The following KANSL1 variants were observed in gnomAD, a reference collection of about 807,000 sequenced individuals.
KANSL1 encodes MLL1/MLL complex subunit KANSL1.
Under a neutral mutation model 103.6 loss-of-function variants are expected in KANSL1, and 22 were observed. The observed-to-expected ratio is 0.21, with a 90% CI of 0.15 to 0.30. KANSL1 has a LOEUF of 0.30. Among genes scored for constraint, KANSL1 ranks in the 10% least tolerant of loss-of-function variants. The probability of loss-of-function intolerance (pLI) is 1.00; values close to 1 mark genes in which losing one functional copy is unlikely to be tolerated. For missense variants in KANSL1, 1,337 were observed against 1,399.8 expected (o/e 0.96, Z 0.72); for synonymous variants, 600 against 527.6 (o/e 1.14, Z -1.88).
chr17:46,082,582 T>C (rs997539444), intron 3 of KANSL1, 40 bp from the exon 4 acceptor site: 3 of 1,179,806 alleles, frequency 2.5e-6, no homozygotes, highest in Admixed American at 2.0e-5. Flanking sequence ...AAGTGAGCAG[T>C]ATAAACTTCA....
chr17:46,122,762 T>C (rs142620504), intron 2 of KANSL1, among the ~76,000 whole-genome samples: 2 of 152,378 alleles, frequency 1.3e-5, no homozygotes, highest in African/African-American at 4.8e-5. Context: ...TTATCTGTTA[T>C]GATGATCTGT....
At chr17:46,080,586 C>T (rs917426607) in intron 4 of KANSL1, among the ~76,000 whole-genome samples, 50 of 152,184 alleles carry the variant, frequency 3.3e-4, no homozygotes, top group African/African-American at 1.0e-3. Flanking sequence ...AATTGACATA[C>T]GCACAGCTTT....
At chr17:46,150,491 T>G (rs1056717966) in intron 2 of KANSL1, among the ~76,000 whole-genome samples, 1 of 152,260 alleles carries the variant, frequency 6.6e-6, no homozygotes, top group African/African-American at 2.4e-5. Context: ...TTACAAGTCA[T>G]CTCTGTATTT....
intron 1 of KANSL1, among the ~76,000 whole-genome samples, chr17:46,173,103 T>G (rs1447486370): frequency 1.3e-5 from 2 of 152,250 alleles, no homozygotes; most frequent in Non-Finnish European, 2.9e-5. Context: ...CTGACTTCTC[T>G]GAAGCACTGG....
intron 1 of KANSL1, among the ~76,000 whole-genome samples, chr17:46,180,109 T>G (rs1235778279): frequency 2.0e-5 from 3 of 151,760 alleles, no homozygotes; most frequent in African/African-American, 7.3e-5. Context: ...ACAAAGCATA[T>G]TTTAATAGAG....
chr17:46,174,864 G>A (rs553223595), intron 1 of KANSL1, among the ~76,000 whole-genome samples: 2 of 152,284 alleles, frequency 1.3e-5, no homozygotes, highest in African/African-American at 4.8e-5. Flanking sequence ...TGTAGAGATG[G>A]AATTTCATTT....
chr17:46,174,516 A>G (rs1322548294), intron 1 of KANSL1, among the ~76,000 whole-genome samples: 1 of 152,250 alleles, frequency 6.6e-6, no homozygotes, highest in Admixed American at 6.5e-5. Context: ...TTCTGATTTA[A>G]CAGACTTGTG....
At chr17:46,064,125 T>C (rs2078287553) in intron 6 of KANSL1, among the ~76,000 whole-genome samples, 1 of 151,166 alleles carries the variant, frequency 6.6e-6, no homozygotes, top group African/African-American at 2.4e-5. Context: ...AAATACCTTA[T>C]TCTTATCTAT....
intron 1 of KANSL1, among the ~76,000 whole-genome samples, chr17:46,202,362 A>G (rs1169009851): frequency 6.6e-6 from 1 of 152,236 alleles, no homozygotes; most frequent in African/African-American, 2.4e-5. Context: ...ATTTCGGATA[A>G]GGGATATTCA....
chr17:46,186,172 G>A (rs1181869432), intron 1 of KANSL1, among the ~76,000 whole-genome samples: 6 of 150,890 alleles, frequency 4.0e-5, no homozygotes, highest in Non-Finnish European at 8.8e-5. Flanking sequence ...TCAGGAGATC[G>A]AGACCATCCT....
intron 2 of KANSL1, among the ~76,000 whole-genome samples, chr17:46,133,427 T>C (rs917928866): frequency 1.3e-5 from 2 of 151,818 alleles, no homozygotes; most frequent in African/African-American, 4.8e-5. Flanking sequence ...TCACTCCAAC[T>C]AGAAAGGAAA....
chr17:46,071,408 T>A (rs914977583), intron 4 of KANSL1, among the ~76,000 whole-genome samples: 4 of 152,140 alleles, frequency 2.6e-5, no homozygotes, highest in African/African-American at 9.7e-5. Flanking sequence ...CTGCAACCCA[T>A]CATCAATGCA....
intron 1 of KANSL1, among the ~76,000 whole-genome samples, chr17:46,175,635 C>G (rs533303243): frequency 5.9e-4 from 90 of 152,284 alleles, no homozygotes; most frequent in African/African-American, 2.1e-3. Context: ...CAGGTGTGAT[C>G]CACTGTGCCT....
rs201471275 is a variant in KANSL1, at chr17:46,066,743, G to C, written c.1653-11C>G. On this transcript the variant is annotated splice_polypyrimidine_tract_variant and intron_variant, in intron 5 of 14. Transcript: ENST00000432791. ...AAGACAGGCTGAAGACTATACAAGG[G>C]GAAGGAAGAGTATTCTCAGAACACA... 2 of 1,594,482 alleles carry C rather than the reference G, an allele frequency of 1.3e-6. No individual in the cohort carries two copies. Among genetic ancestry groups the C allele is most frequent in the Non-Finnish European group, 1.7e-6 (2 of 1,165,516 alleles).
chr17:46,156,694 A>G (rs1528074), intron 2 of KANSL1: 23,649 of 152,252 alleles, frequency 0.16, 2,232 homozygotes, highest in Non-Finnish European at 0.22. Flanking sequence ...CTCCCAAGGA[A>G]CTCGGCCCAC....
At chr17:46,112,996 C>T (rs916599040) in intron 2 of KANSL1, among the ~76,000 whole-genome samples, 1 of 152,192 alleles carries the variant, frequency 6.6e-6, no homozygotes, top group Non-Finnish European at 1.5e-5. Flanking sequence ...GTTGGGATTA[C>T]AGGCGTGAGC....
intron 2 of KANSL1, among the ~76,000 whole-genome samples, chr17:46,150,881 C>A (rs2045050950): frequency 2.1e-5 from 3 of 139,606 alleles, no homozygotes; most frequent in African/African-American, 5.4e-5. Context: ...CTTTTATAAA[C>A]AGAAATTTAA....
rs1032894838 is a variant in KANSL1 at position 46,202,834 on chromosome 17, A to G, written c.-90+20837T>C. ...TCCAAATTCTCACTATCACATTTAA[A>G]CACAATTTTATCTAATGAAATGTGT... On this transcript the variant is annotated intron_variant, in intron 1 of 14. Transcript: ENST00000572904. Among the ~76,000 whole-genome samples, 4 of 152,368 alleles carry G rather than the reference A, an allele frequency of 2.6e-5. No individual in the cohort carries two copies. In the South Asian group the frequency reaches 6.2e-4, roughly 24 times the overall value.
intron 4 of KANSL1, among the ~76,000 whole-genome samples, chr17:46,077,196 T>C (rs1265598010): frequency 6.6e-6 from 1 of 152,022 alleles, no homozygotes; most frequent in African/African-American, 2.4e-5. Context: ...GGACTACAGG[T>C]GCACGCCCCC....
Sources: gnomAD v4.1 joint callset for allele counts (sites outside exome capture counted in the v4.1 genomes callset) on GRCh38, gnomAD v4.1.1 for gene constraint, MANE v1.5 for transcripts, NCBI Gene and HGNC (gene_info 2026-07-23, HGNC 2026-07-21) for gene names.